GALNT17: variants seen among roughly 807,000 people sequenced by gnomAD.
The protein encoded by GALNT17 is UDP-GalNAc:polypeptide N-acetylgalactosaminyltransferase-like 3.
Under a neutral mutation model 63.7 loss-of-function variants are expected in GALNT17, and 29 were observed. That is an observed-to-expected ratio of 0.46 (90% CI 0.34 to 0.62). The LOEUF (loss-of-function observed/expected upper bound fraction) is 0.62, where lower values mean the gene tolerates loss of function less well. Ranked by LOEUF, GALNT17 falls within the 20% of genes least tolerant of loss-of-function variation. The pLI, the probability that GALNT17 is intolerant of heterozygous loss-of-function variation, is 0.01. For synonymous variants in GALNT17, 305 were observed against 318.3 expected (o/e 0.96, Z 0.45); for missense variants, 603 against 799.6 (o/e 0.75, Z 2.97).
intron 5 of GALNT17, among the ~76,000 whole-genome samples, chr7:71,540,045 C>T (rs1788862661): frequency 6.8e-6 from 1 of 147,940 alleles, no homozygotes; most frequent in South Asian, 2.2e-4. Flanking sequence ...CTTCCTGCCT[C>T]AACCTCCCAA....
chr7:71,168,162 G>A (rs1788479669), intron 1 of GALNT17, among the ~76,000 whole-genome samples: 3 of 152,166 alleles, frequency 2.0e-5, no homozygotes, highest in African/African-American at 7.2e-5. Context: ...TTTGGACTCT[G>A]TATTCTGTCC....
At chr7:71,229,141 G>A (rs979321184) in intron 1 of GALNT17, among the ~76,000 whole-genome samples, 3 of 152,202 alleles carry the variant, frequency 2.0e-5, no homozygotes, top group Non-Finnish European at 4.4e-5. Flanking sequence ...CATTGTGACA[G>A]CGTGATTCTT....
chr7:71,709,579 T>TG (rs943882776), intron 9 of GALNT17, among the ~76,000 whole-genome samples: 2 of 26,532 alleles, frequency 7.5e-5, no homozygotes, highest in African/African-American at 1.4e-4. Flanking sequence ...AGTTTTTGGG[T>TG]TTTTTTTTTT....
rs144473620 is a variant in GALNT17, at chr7:71,598,551, T to C, written c.1080+27149T>C. ...GGGCTTTGTTTGGATGTCTTTTTAT[T>C]CTTTTTTAATTTAGTAGATTTCAGA... On this transcript the variant is annotated intron_variant, in intron 6 of 10. Coordinates refer to ENST00000333538, the MANE Select transcript of GALNT17 (RefSeq NM_022479.3). Among the ~76,000 whole-genome samples, 37 of 152,352 alleles carry C rather than the reference T, an allele frequency of 2.4e-4. No homozygotes were observed. The East Asian group carries it at 2.7e-3, about 11-fold the overall frequency.
intron 2 of GALNT17, among the ~76,000 whole-genome samples, chr7:71,373,804 C>T (rs944189957): frequency 2.6e-5 from 4 of 152,112 alleles, no homozygotes; most frequent in South Asian, 2.1e-4. Context: ...TCCATGAAAC[C>T]GGTCCCTGCT....
At chr7:71,201,124 A>G (rs1789158732) in intron 1 of GALNT17, among the ~76,000 whole-genome samples, 1 of 151,704 alleles carries the variant, frequency 6.6e-6, no homozygotes, top group African/African-American at 2.4e-5. Context: ...AATTACTGAC[A>G]TCATTAAATC....
At chr7:71,508,745 T>C (rs1785300659) in intron 5 of GALNT17, among the ~76,000 whole-genome samples, 1 of 152,082 alleles carries the variant, frequency 6.6e-6, no homozygotes, top group South Asian at 2.1e-4. Flanking sequence ...ATCTCCCTGC[T>C]TCACTTCCCT....
intron 1 of GALNT17, among the ~76,000 whole-genome samples, chr7:71,143,798 G>A (rs1174983821): frequency 5.3e-5 from 8 of 151,948 alleles, no homozygotes; most frequent in African/African-American, 2.4e-5. Context: ...CCAACACTTC[G>A]TGAGGCTAAG....
At position 71,563,044 on chromosome 7, in the gene GALNT17, C is replaced by A. The variant is rs555094303; in HGVS notation, c.963-8241C>A. Among the ~76,000 whole-genome samples the A allele has an allele frequency of 9.8e-5, 15 of 152,300 alleles. No homozygotes were observed. The South Asian group carries it at 3.1e-3, about 32-fold the overall frequency. The stretch of plus-strand genomic sequence containing the variant: ...CCTCTTCTCACTGTCTATTCCTTTT[C>A]TGTCATTCAGTTGGAACTGTTGTGT... On this transcript the variant is annotated intron_variant, in intron 5 of 10. Coordinates refer to ENST00000333538, the MANE Select transcript of GALNT17 (RefSeq NM_022479.3).
At chr7:71,476,322 G>A (rs1787721932) in intron 5 of GALNT17, among the ~76,000 whole-genome samples, 1 of 152,190 alleles carries the variant, frequency 6.6e-6, no homozygotes, top group African/African-American at 2.4e-5. Context: ...CCTTCCAGCT[G>A]GATATCTTGA....
chr7:71,632,077 A>G (rs762102361), intron 6 of GALNT17, among the ~76,000 whole-genome samples: 2 of 148,776 alleles, frequency 1.3e-5, no homozygotes, highest in Non-Finnish European at 3.0e-5. Context: ...GGACCTGAAG[A>G]TGTTTAGTCT....
intron 9 of GALNT17, among the ~76,000 whole-genome samples, chr7:71,684,107 A>G (rs1002079484): frequency 8.6e-5 from 13 of 151,694 alleles, no homozygotes; most frequent in African/African-American, 3.2e-4. Context: ...GTCTAAGGAG[A>G]CCCACAGACC....
At chr7:71,548,241 CAAA>C (rs200104834) in intron 5 of GALNT17, among the ~76,000 whole-genome samples, 2 of 134,914 alleles carry the variant, frequency 1.5e-5, no homozygotes, top group Non-Finnish European at 1.6e-5. Context: ...GAGTCTGTCT[CAAA>C]AAAAAAAAAA....
intron 5 of GALNT17, among the ~76,000 whole-genome samples, chr7:71,508,448 G>C (rs1240522321): frequency 6.6e-6 from 1 of 152,150 alleles, no homozygotes; most frequent in Non-Finnish European, 1.5e-5. Context: ...TTAAGAGACA[G>C]AAACCTGGAT....
chr7:71,235,368 G>A (rs916077164), intron 1 of GALNT17, among the ~76,000 whole-genome samples: 3 of 152,066 alleles, frequency 2.0e-5, no homozygotes, highest in Non-Finnish European at 4.4e-5. Context: ...ACCCGCAACC[G>A]TCATCTTAAT....
chr7:71,540,222 C>G (rs1457771640), intron 5 of GALNT17, among the ~76,000 whole-genome samples: 1 of 146,718 alleles, frequency 6.8e-6, no homozygotes, highest in African/African-American at 2.5e-5. Context: ...GTTCAAGTGA[C>G]TCTCCCATCT....
At chr7:71,619,099 T>C (rs1315417751) in intron 6 of GALNT17, among the ~76,000 whole-genome samples, 1 of 152,228 alleles carries the variant, frequency 6.6e-6, no homozygotes, top group Non-Finnish European at 1.5e-5. Flanking sequence ...TTTGGCAGCC[T>C]TTTTAAAGAT....
intron 1 of GALNT17, among the ~76,000 whole-genome samples, chr7:71,248,390 CA>C (rs1249677714): frequency 6.6e-6 from 1 of 152,138 alleles, no homozygotes; most frequent in African/African-American, 2.4e-5. Flanking sequence ...CTTGCCGTCT[CA>C]GGGGTGGTCA....
chr7:71,291,474 C>A (rs1416540061), intron 1 of GALNT17, among the ~76,000 whole-genome samples: 3 of 152,142 alleles, frequency 2.0e-5, no homozygotes, highest in Non-Finnish European at 2.9e-5. Context: ...AACTGTCTAA[C>A]AATATTCAGT....
Sources: gnomAD v4.1 joint callset for allele counts (sites outside exome capture counted in the v4.1 genomes callset) on GRCh38, gnomAD v4.1.1 for gene constraint, MANE v1.5 for transcripts, NCBI Gene and HGNC (gene_info 2026-07-23, HGNC 2026-07-21) for gene names.